CCDC122: variants seen among roughly 807,000 people sequenced by gnomAD.
The protein encoded by CCDC122 is coiled-coil domain containing 122.
CCDC122 carries 38 observed loss-of-function variants against 37.0 expected under a neutral mutation model. The ratio of observed to expected loss-of-function variants is 1.03; its 90% CI spans 0.79 to 1.35. The LOEUF is 1.35. Ranked by LOEUF, CCDC122 falls within the 40% of genes most tolerant of loss-of-function variation. CCDC122 has a pLI of 0.00. For synonymous variants in CCDC122, 83 were observed against 95.6 expected (o/e 0.87, Z 0.77); for missense variants, 305 against 310.0 (o/e 0.98, Z 0.12).
chr13:43,826,158 AT>A (rs1345984064), intron 3 of CCDC122, among the ~76,000 whole-genome samples: 4 of 151,932 alleles, frequency 2.6e-5, no homozygotes, highest in Admixed American at 6.6e-5. Flanking sequence ...TTATTAAGTT[AT>A]TTTTCCCCCA....
downstream of CCDC122, among the ~76,000 whole-genome samples, chr13:43,823,425 G>A (rs1399551494): frequency 3.3e-5 from 5 of 152,116 alleles, no homozygotes; most frequent in Non-Finnish European, 5.9e-5. Flanking sequence ...GGAGTTGTGC[G>A]AGCACTCCCT....
chr13:43,860,224 T>C (rs564173118), intron 4 of CCDC122, among the ~76,000 whole-genome samples, 154 bp from the exon 5 acceptor site: 72 of 126,090 alleles, frequency 5.7e-4, no homozygotes, highest in African/African-American at 1.8e-3. Context: ...AAACATGCAA[T>C]AAACACAATT....
At chr13:43,847,652 T>C (rs1005160639) in intron 6 of CCDC122, among the ~76,000 whole-genome samples, 1 of 152,208 alleles carries the variant, frequency 6.6e-6, no homozygotes, top group Non-Finnish European at 1.5e-5. Context: ...TTTAATAACA[T>C]TGGACATTTC....
intron 6 of CCDC122, among the ~76,000 whole-genome samples, chr13:43,850,413 A>T (rs1285334117): frequency 6.6e-6 from 1 of 152,236 alleles, no homozygotes; most frequent in African/African-American, 2.4e-5. Flanking sequence ...AAAATGCTTC[A>T]ATAAACAATT....
chr13:43,861,116 A>G (rs540352630), intron 4 of CCDC122, among the ~76,000 whole-genome samples: 1 of 152,282 alleles, frequency 6.6e-6, no homozygotes, highest in South Asian at 2.1e-4. Context: ...TGATTGTAAG[A>G]TGATTTAAAT....
downstream of CCDC122, among the ~76,000 whole-genome samples, chr13:43,835,311 G>C (rs559820388): frequency 2.0e-4 from 30 of 152,250 alleles, no homozygotes; most frequent in South Asian, 5.8e-3. Flanking sequence ...GGCCTGTTGT[G>C]GGGTGGGGAG....
At chr13:43,846,018 T>A (rs961881953) in intron 6 of CCDC122, among the ~76,000 whole-genome samples, 6 of 152,130 alleles carry the variant, frequency 3.9e-5, no homozygotes, top group African/African-American at 1.4e-4. Flanking sequence ...AACTTCTGAG[T>A]CAACTGTTGC....
chr13:43,864,859 C>A (rs1954222870), intron 4 of CCDC122, among the ~76,000 whole-genome samples: 2 of 152,052 alleles, frequency 1.3e-5, no homozygotes. Context: ...GTCAAAAAGC[C>A]CAAGCCTTGA....
At chr13:43,849,927 T>C (rs2325088) in intron 6 of CCDC122, among the ~76,000 whole-genome samples, 30,122 of 152,082 alleles carry the variant, frequency 0.2, 3,052 homozygotes, top group African/African-American at 0.24. Context: ...TGGAGCCCAT[T>C]TGAGGATCCT....
At chr13:43,827,418 A>C (rs1196267486) in intron 3 of CCDC122, among the ~76,000 whole-genome samples, 1 of 152,236 alleles carries the variant, frequency 6.6e-6, no homozygotes, top group African/African-American at 2.4e-5. Context: ...AATGAAGCCC[A>C]AGACTCAAAA....
intron 3 of CCDC122, 140 bp downstream of exon 3, chr13:43,869,191 T>C (rs1299236468): frequency 4.4e-6 from 3 of 687,912 alleles, no homozygotes; most frequent in South Asian, 3.3e-5. Flanking sequence ...TGCTAAACAC[T>C]GTATATGTTT....
intron 4 of CCDC122, among the ~76,000 whole-genome samples, chr13:43,868,237 C>A: frequency 6.6e-6 from 1 of 151,940 alleles, no homozygotes; most frequent in Non-Finnish European, 1.5e-5. Context: ...ACGTTGCATG[C>A]GAAGACCAAG....
chr13:43,871,456 A>G (rs902205179), intron 2 of CCDC122, among the ~76,000 whole-genome samples: 11 of 152,050 alleles, frequency 7.2e-5, no homozygotes, highest in Non-Finnish European at 1.6e-4. Context: ...TAAGCTGCCT[A>G]AAATATTGTG....
chr13:43,843,161 G>GT (rs1238151621), intron 6 of CCDC122, among the ~76,000 whole-genome samples: 3 of 151,706 alleles, frequency 2.0e-5, no homozygotes, highest in African/African-American at 2.4e-5. Flanking sequence ...CTATAAGATT[G>GT]TTTTTTTATA....
At position 43,843,723 on chromosome 13, in the gene CCDC122, G is replaced by T. The variant is rs535738963; in HGVS notation, c.673-6294C>A. ...ATATATGGGAAGAGTTTTTAAATATGAATTCAATTTCATTGATTCCTACCT... is the reference window on the plus strand; with the variant it reads ...ATATATGGGAAGAGTTTTTAAATATTAATTCAATTTCATTGATTCCTACCT... On this transcript the variant is annotated intron_variant, in intron 6 of 6. Transcript: ENST00000444614. Among the ~76,000 whole-genome samples the T allele has an allele frequency of 5.3e-5, 8 of 151,894 alleles. 1 individual carries two copies. The South Asian group carries it at 1.7e-3, about 32-fold the overall frequency.
At chr13:43,842,969 T>G (rs1953405647) in intron 6 of CCDC122, among the ~76,000 whole-genome samples, 1 of 152,094 alleles carries the variant, frequency 6.6e-6, no homozygotes, top group Non-Finnish European at 1.5e-5. Context: ...CTGTGAATAA[T>G]GACAGTTTTA....
intron 4 of CCDC122, among the ~76,000 whole-genome samples, chr13:43,860,282 T>C (rs1390080558): frequency 6.6e-6 from 1 of 152,074 alleles, no homozygotes; most frequent in East Asian, 1.9e-4. Context: ...TTAATGTTCA[T>C]CTAATTCTAA....
chr13:43,848,534 A>G (rs1233168808), intron 6 of CCDC122, among the ~76,000 whole-genome samples: 1 of 151,942 alleles, frequency 6.6e-6, no homozygotes, highest in African/African-American at 2.4e-5. Context: ...TCAATGACTC[A>G]TAGCTTATCT....
intron 6 of CCDC122, chr13:43,854,870 A>G (rs1047888717): frequency 6.6e-6 from 1 of 152,222 alleles, no homozygotes; most frequent in Non-Finnish European, 1.5e-5. Flanking sequence ...CTGAAGACAA[A>G]CACAACATGA....
Sources: gnomAD v4.1 joint callset for allele counts (sites outside exome capture counted in the v4.1 genomes callset) on GRCh38, gnomAD v4.1.1 for gene constraint, MANE v1.5 for transcripts, NCBI Gene and HGNC (gene_info 2026-07-23, HGNC 2026-07-21) for gene names.